WDR7: variants seen among roughly 807,000 people sequenced by gnomAD.
WDR7 encodes the protein WD repeat domain 7.
WDR7 carries 46 observed loss-of-function variants against 169.4 expected under a neutral mutation model. That is an observed-to-expected ratio of 0.27 (90% CI 0.21 to 0.35). The LOEUF (loss-of-function observed/expected upper bound fraction) is 0.35, where lower values mean the gene tolerates loss of function less well. Among genes scored for constraint, WDR7 ranks in the 10% least tolerant of loss-of-function variants. The probability of loss-of-function intolerance (pLI) is 1.00; values close to 1 mark genes in which losing one functional copy is unlikely to be tolerated. For missense variants in WDR7, 1,534 were observed against 1,859.3 expected, an observed-to-expected ratio of 0.83 and a Z score of 3.22; for synonymous variants, 612 against 666.8, an observed-to-expected ratio of 0.92 and a Z score of 1.27.
In WDR7 at chr18:56,718,058, G is replaced by A. The variant is rs770591251; in HGVS notation, c.1673G>A (p.Arg558His). The A allele has an allele frequency of 1.1e-5, 17 of 1,613,988 alleles. No homozygotes were observed. The highest frequency in any genetic ancestry group is 1.6e-4 in the Middle Eastern group (1 of 6,082). Residue 558 changes from arginine (R) to histidine (H), a missense_variant, in exon 13 of 28, where the codon CGT (arginine) becomes CAT (histidine). Coordinates refer to ENST00000254442, the MANE Select transcript of WDR7 (RefSeq NM_015285.3). ...REKKCIMLAS[R>H]HLFPIQVIKW... ...AAAAAATGCATAATGTTGGCATCTCGTCACCTTTTTCCTATTCAAGTAATC... is the reference window on the plus strand; with the variant it reads ...AAAAAATGCATAATGTTGGCATCTCATCACCTTTTTCCTATTCAAGTAATC...
chr18:56,992,556 A>T (rs920571609), intron 26 of WDR7, among the ~76,000 whole-genome samples: 1 of 152,208 alleles, frequency 6.6e-6, no homozygotes, highest in African/African-American at 2.4e-5. Context: ...AACTCTGAAA[A>T]GGTCTATGTC....
chr18:56,669,392 C>T (rs2025086814), intron 1 of WDR7, among the ~76,000 whole-genome samples: 2 of 152,006 alleles, frequency 1.3e-5, no homozygotes, highest in African/African-American at 4.8e-5. Flanking sequence ...TAACTAGTGA[C>T]AAAATGAGAA....
chr18:56,726,174 T>A (rs1291933307), intron 13 of WDR7, among the ~76,000 whole-genome samples: 5 of 152,202 alleles, frequency 3.3e-5, no homozygotes, highest in African/African-American at 4.8e-5. Flanking sequence ...AGTAGTTTTT[T>A]CCAATTTTGT....
At chr18:56,823,012 C>T (rs554810341) in intron 20 of WDR7, among the ~76,000 whole-genome samples, 3 of 152,038 alleles carry the variant, frequency 2.0e-5, no homozygotes, top group Non-Finnish European at 4.4e-5. Context: ...TGTTGAAGGA[C>T]AAGTAGAATG....
At chr18:56,654,641 G>A (rs1224147963) in intron 1 of WDR7, among the ~76,000 whole-genome samples, 1 of 151,996 alleles carries the variant, frequency 6.6e-6, no homozygotes, top group Non-Finnish European at 1.5e-5. Context: ...TTCTCATGAT[G>A]TTCTTCATTG....
chr18:56,725,608 G>T (rs1465623716), intron 13 of WDR7, among the ~76,000 whole-genome samples: 1 of 152,162 alleles, frequency 6.6e-6, no homozygotes. Flanking sequence ...TAGGTTGCCT[G>T]TTCACTCTTG....
intron 21 of WDR7, among the ~76,000 whole-genome samples, chr18:56,912,186 G>T (rs1356120216): frequency 6.6e-6 from 1 of 152,190 alleles, no homozygotes; most frequent in African/African-American, 2.4e-5. Flanking sequence ...GAAGGCCAGA[G>T]ACTCACTCTG....
rs1038296074 is a variant in WDR7, at chr18:56,686,787, T to A, written c.598-68T>A. ...TGCCTTTATTTAATTTTGTTGCCTTTATCATTGTGTGATAATTTTAATTGA... is the reference window on the plus strand; with the variant it reads ...TGCCTTTATTTAATTTTGTTGCCTTAATCATTGTGTGATAATTTTAATTGA... On this transcript the variant is annotated intron_variant, in intron 6 of 27. Coordinates refer to ENST00000254442, the MANE Select transcript of WDR7 (RefSeq NM_015285.3). The A allele has an allele frequency of 2.2e-6, 3 of 1,334,662 alleles. No individual in the cohort carries two copies. In the East Asian group the frequency reaches 7.0e-5, roughly 31 times the overall value. 82.7% of individuals were successfully genotyped at this position (1,334,662 alleles called of 1,614,324 possible).
chr18:56,916,933 C>T (rs1437708265), intron 21 of WDR7, among the ~76,000 whole-genome samples: 1 of 151,962 alleles, frequency 6.6e-6, no homozygotes, highest in African/African-American at 2.4e-5. Context: ...CGTGGTGGCT[C>T]ACGCCTGTAA....
intron 26 of WDR7, among the ~76,000 whole-genome samples, chr18:57,000,061 G>T (rs1599234201): frequency 6.6e-6 from 1 of 152,182 alleles, no homozygotes; most frequent in South Asian, 2.1e-4. Flanking sequence ...AGCAGACTGG[G>T]CATGAAGAAT....
At chr18:56,782,664 T>C (rs1453749133) in intron 19 of WDR7, among the ~76,000 whole-genome samples, 1 of 152,176 alleles carries the variant, frequency 6.6e-6, no homozygotes, top group Non-Finnish European at 1.5e-5. Flanking sequence ...TTATTCTTTG[T>C]AATGAAATAC....
At chr18:56,894,648 T>C (rs2046306777) in intron 21 of WDR7, among the ~76,000 whole-genome samples, 1 of 152,158 alleles carries the variant, frequency 6.6e-6, no homozygotes, top group Non-Finnish European at 1.5e-5. Flanking sequence ...ATAATTTACC[T>C]ATTTACAGTA....
chr18:56,931,544 G>A (rs1451975157), intron 22 of WDR7, among the ~76,000 whole-genome samples: 1 of 152,150 alleles, frequency 6.6e-6, no homozygotes, highest in Admixed American at 6.5e-5. Context: ...ATGTCCAGGG[G>A]CTGTACCGGG....
intron 2 of WDR7, among the ~76,000 whole-genome samples, chr18:56,673,810 G>A (rs1387811017): frequency 6.6e-6 from 1 of 151,506 alleles, no homozygotes; most frequent in African/African-American, 2.4e-5. Context: ...GGCAATGGGA[G>A]TGAGACCTTG....
chr18:56,866,821 T>C (rs1371122958), intron 20 of WDR7, among the ~76,000 whole-genome samples: 1 of 152,124 alleles, frequency 6.6e-6, no homozygotes, highest in African/African-American at 2.4e-5. Context: ...TCTCAGAGCC[T>C]ATTGTATATT....
At position 56,816,096 on chromosome 18, in the gene WDR7, A is replaced by G. The variant is rs1411739293; in HGVS notation, c.3256A>G (p.Lys1086Glu). The G allele has an allele frequency of 3.1e-6, 5 of 1,613,762 alleles. No individual in the cohort carries two copies. In the African/African-American group the frequency reaches 4.0e-5, roughly 13 times the overall value. Residue 1086 changes from lysine (K) to glutamate (E), a missense_variant, in exon 20 of 28, where the codon AAA (lysine) becomes GAA (glutamate). Lys to Glu is a moderately conservative substitution (Grantham distance 56). Coordinates refer to ENST00000254442, the MANE Select transcript of WDR7 (RefSeq NM_015285.3). ...TCCTGATGCCTCAGGGCCTGAAGCA[A>G]AAGTCCAGGAGGAAGAGCATGACCT... The part of the protein sequence containing the change: ...TAPDASGPEA[K>E]VQEEEHDLVD...
At chr18:57,019,407 G>A (rs114674614) in intron 26 of WDR7, among the ~76,000 whole-genome samples, 23 of 152,062 alleles carry the variant, frequency 1.5e-4, no homozygotes, top group African/African-American at 5.3e-4. Context: ...CTTAAATAAC[G>A]TGGCCTTAGG....
At chr18:56,810,804 T>G (rs1472494690) in intron 19 of WDR7, among the ~76,000 whole-genome samples, 1 of 152,200 alleles carries the variant, frequency 6.6e-6, no homozygotes, top group Non-Finnish European at 1.5e-5. Flanking sequence ...CACTTAATAT[T>G]AAATTCAACC....
chr18:56,657,938 T>C (rs1445667821), intron 1 of WDR7, among the ~76,000 whole-genome samples: 1 of 152,216 alleles, frequency 6.6e-6, no homozygotes, highest in Non-Finnish European at 1.5e-5. Flanking sequence ...CAGGGGTTTT[T>C]TTTTTTGGCT....
Sources: allele counts gnomAD v4.1 joint callset (sites outside exome capture counted in the v4.1 genomes callset), GRCh38; gene constraint gnomAD v4.1.1; transcripts MANE v1.5; gene names NCBI Gene and HGNC (gene_info 2026-07-23, HGNC 2026-07-21).